The following MTM1 variants were observed in gnomAD, a reference collection of about 807,000 sequenced individuals.
The protein encoded by MTM1 is myotubularin.
MTM1 carries 9 observed loss-of-function variants against 52.1 expected under a neutral mutation model. The observed-to-expected ratio is 0.17, with a 90% confidence interval of 0.10 to 0.30. The LOEUF is 0.30. Among genes scored for constraint, MTM1 ranks in the 10% least tolerant of loss-of-function variants. MTM1 has a pLI of 1.00. For synonymous variants in MTM1, 136 were observed against 163.8 expected (o/e 0.83, Z 1.29); for missense variants, 277 against 470.7 (o/e 0.59, Z 3.81).
At chrX:150,655,165 A>G (rs937862392) in intron 10 of MTM1, among the ~76,000 whole-genome samples, 9 of 109,406 alleles carry the variant, frequency 8.2e-5, no homozygotes, top group Admixed American at 3.0e-4. Flanking sequence ...CTCTACTAAA[A>G]AATACAAAAA....
At position 150,638,983 on chromosome X, in the gene MTM1, A is replaced by T. The variant is rs782679553; in HGVS notation, c.485A>T (p.Asp162Val). 8.3e-7 allele frequency: 1 copy of T among 1,207,481 alleles called. No homozygotes were observed. Among genetic ancestry groups the T allele is most frequent in the African/African-American group, 1.7e-5 (1 of 57,230 alleles). The change falls in exon 7 of 15, where the codon GAT becomes GTT. Residue 162 changes from aspartate (D) to valine (V), a missense_variant. Around this residue, in one of 4 missense-constraint regions of MTM1, gnomAD observed 164 missense variants for 283.3 expected, o/e 0.58. Coordinates refer to ENST00000370396, the MANE Select transcript of MTM1 (RefSeq NM_000252.3). The stretch of plus-strand genomic sequence containing the variant: ...TTAAATGAAGAAAAGTTTAACGTGG[A>T]TGGATGGACAGTTTACAATCCAGTG... ...AFLNEEKFNV[D>V]GWTVYNPVEE...
At chrX:150,635,507 C>T (rs2039740385) in intron 6 of MTM1, among the ~76,000 whole-genome samples, 1 of 112,304 alleles carries the variant, frequency 8.9e-6, no homozygotes, top group African/African-American at 3.2e-5. Flanking sequence ...ATAACCTATT[C>T]ACTTCAGGTT....
chrX:150,644,578 T>C, intron 8 of MTM1, among the ~76,000 whole-genome samples: 1 of 111,846 alleles, frequency 8.9e-6, no homozygotes, highest in Non-Finnish European at 1.9e-5. Flanking sequence ...TCAGGGAATT[T>C]GGTGTTATGT....
Position 150,657,804 on chromosome X carries a change from GTAT to G in MTM1, c.1054-15_1054-13del. 1 of 1,203,874 alleles carries G rather than the reference GTAT, an allele frequency of 8.3e-7. No individual in the cohort carries two copies. Among genetic ancestry groups the G allele is most frequent in the Non-Finnish European group, 1.1e-6 (1 of 888,770 alleles). On this transcript the variant is annotated splice_polypyrimidine_tract_variant and intron_variant, in intron 10 of 14. Transcript: ENST00000370396. ...ATCTTATAACTCCCTACTGACTCAC[GTAT>G]TTTTCTTTGTCAGCTCGTTTTGACA...
intron 6 of MTM1, 108 bp downstream of exon 6, chrX:150,619,247 C>T: frequency 1.7e-6 from 1 of 597,767 alleles, no homozygotes; most frequent in Non-Finnish European, 2.9e-6. Context: ...TTGTGTTTCC[C>T]AGTGTGATGT....
intron 6 of MTM1, among the ~76,000 whole-genome samples, chrX:150,628,605 C>G (rs1422965027): frequency 9.0e-6 from 1 of 111,475 alleles, no homozygotes; most frequent in East Asian, 2.8e-4. Flanking sequence ...TAAAATGACT[C>G]TCATATGCCC....
chrX:150,615,013 G>A (rs1557413105), intron 5 of MTM1, among the ~76,000 whole-genome samples: 1 of 111,194 alleles, frequency 9.0e-6, no homozygotes, highest in Non-Finnish European at 1.9e-5. Context: ...TGCTCCTGGC[G>A]CCCCTTCATG....
intron 6 of MTM1, among the ~76,000 whole-genome samples, chrX:150,632,503 G>T (rs1162927071): frequency 1.8e-5 from 2 of 111,744 alleles, no homozygotes; most frequent in African/African-American, 6.5e-5. Context: ...TTTTAAGCAG[G>T]AACGTGGCAT....
At chrX:150,644,415 C>G (rs1403410959) in intron 8 of MTM1, among the ~76,000 whole-genome samples, 1 of 111,432 alleles carries the variant, frequency 9.0e-6, no homozygotes, top group African/African-American at 3.3e-5. Context: ...TTTAATTGAT[C>G]TCTAGCATGG....
intron 4 of MTM1, among the ~76,000 whole-genome samples, chrX:150,604,419 CCA>C (rs1464968564): frequency 5.4e-5 from 6 of 111,303 alleles, no homozygotes; most frequent in Non-Finnish European, 9.4e-5. Context: ...CTTTTGAGCC[CCA>C]GTTTCTCTTT....
At chrX:150,668,861 G>A (rs1244758128) in intron 14 of MTM1, among the ~76,000 whole-genome samples, 2 of 111,861 alleles carry the variant, frequency 1.8e-5, no homozygotes, top group South Asian at 3.7e-4. Flanking sequence ...CACTACATGT[G>A]GAAGGCACTT....
chrX:150,586,560 T>A (rs2038789826), intron 1 of MTM1, among the ~76,000 whole-genome samples: 1 of 110,826 alleles, frequency 9.0e-6, no homozygotes. Context: ...ATCAAGGATA[T>A]GGTATATTTT....
chrX:150,646,466 A>G (rs782454255), intron 9 of MTM1, among the ~76,000 whole-genome samples: 3 of 113,074 alleles, frequency 2.7e-5, no homozygotes, highest in Non-Finnish European at 3.7e-5. Context: ...TAGGGTCATC[A>G]TGAACATCAG....
intron 2 of MTM1, among the ~76,000 whole-genome samples, chrX:150,594,476 C>A (rs2038942762): frequency 9.0e-6 from 1 of 111,353 alleles, no homozygotes; most frequent in African/African-American, 3.3e-5. Context: ...TTATTGTTGG[C>A]CTTTTAATTG....
chrX:150,614,485 C>T (rs1354972597), intron 4 of MTM1, 104 bp from the exon 5 acceptor site: 9 of 529,576 alleles, frequency 1.7e-5, no homozygotes, highest in African/African-American at 1.2e-4. Flanking sequence ...GCTAAAAGGG[C>T]CAAGGTAAAA....
In MTM1 at chrX:150,663,620, T is replaced by C; in HGVS notation, c.1644+11T>C. Reference sequence around the variant, plus strand: ...AGGATCAAGCAACAAGTAAGTGAAGTAGCACTGTTAAAAGATAGCAATGTC... The same window carrying C: ...AGGATCAAGCAACAAGTAAGTGAAGCAGCACTGTTAAAAGATAGCAATGTC... On this transcript the variant is annotated intron_variant, in intron 14 of 14. Transcript: ENST00000370396. 2.5e-6 allele frequency: 3 copies of C among 1,193,052 alleles called. No homozygotes were observed. The highest frequency in any genetic ancestry group is 3.4e-6 in the Non-Finnish European group (3 of 878,473).
intron 1 of MTM1, among the ~76,000 whole-genome samples, chrX:150,584,425 C>T (rs1745798402): frequency 9.0e-6 from 1 of 110,846 alleles, no homozygotes; most frequent in Admixed American, 9.7e-5. Flanking sequence ...TAAAGATATG[C>T]AAGGGAATTA....
chrX:150,604,117 G>A (rs1557412784), intron 4 of MTM1, among the ~76,000 whole-genome samples: 1 of 111,861 alleles, frequency 8.9e-6, no homozygotes, highest in Non-Finnish European at 1.9e-5. Flanking sequence ...ATTCCATGGA[G>A]ATGTGAGTCC....
At chrX:150,611,568 C>A (rs1360924990) in intron 4 of MTM1, among the ~76,000 whole-genome samples, 2 of 111,984 alleles carry the variant, frequency 1.8e-5, no homozygotes, top group African/African-American at 6.5e-5. Context: ...TTACTGAGTT[C>A]CCCACAATAA....
Sources: allele counts gnomAD v4.1 joint callset (sites outside exome capture counted in the v4.1 genomes callset), GRCh38; gene constraint gnomAD v4.1.1; regional missense constraint gnomAD v4.1.1; transcripts MANE v1.5; gene names NCBI Gene and HGNC (gene_info 2026-07-23, HGNC 2026-07-21).